GRIP1: variants seen among roughly 807,000 people sequenced by gnomAD.
The protein encoded by GRIP1 is glutamate receptor-interacting protein 1.
Under a neutral mutation model 129.9 loss-of-function variants are expected in GRIP1, and 45 were observed. The ratio of observed to expected loss-of-function variants is 0.35; its 90% confidence interval spans 0.27 to 0.44. The LOEUF is 0.44. Ranked by LOEUF, GRIP1 falls within the 20% of genes least tolerant of loss-of-function variation. The pLI is 1.00. For synonymous variants in GRIP1, 530 were observed against 520.8 expected (o/e 1.02, Z -0.24); for missense variants, 1,196 against 1,396.8 (o/e 0.86, Z 2.29).
At chr12:66,800,416 T>A (rs1379552843) in intron 1 of GRIP1, among the ~76,000 whole-genome samples, 1 of 150,000 alleles carries the variant, frequency 6.7e-6, no homozygotes, top group Non-Finnish European at 1.5e-5. Flanking sequence ...CTCACATACC[T>A]CTATTCATAA....
Position 66,517,903 on chromosome 12 carries a change from G to A in GRIP1, c.576C>T (p.Asp192=). 6.6e-7 allele frequency: 1 copy of A among 1,509,690 alleles called. No homozygotes were observed. Among genetic ancestry groups the A allele is most frequent in the Non-Finnish European group, 9.2e-7 (1 of 1,084,712 alleles). The allele number at this position is 1,509,690 out of a possible 1,614,324, so 93.5% of individuals were successfully genotyped here. ...ITCVRPGGPA[D]REGTIKPGDR... Reference sequence around the variant, plus strand: ...TGACACAGAAAGATAAAGTTTACCTGTCAGCAGGCCCTCCAGGACGAACAC... The same window carrying A: ...TGACACAGAAAGATAAAGTTTACCTATCAGCAGGCCCTCCAGGACGAACAC... Residue 192 remains aspartate (D), a splice_region_variant and synonymous_variant, in exon 6 of 25, where the codon GAC becomes GAT. Transcript: ENST00000359742.
chr12:66,651,261 C>T (rs562334629), intron 1 of GRIP1, among the ~76,000 whole-genome samples: 22 of 152,230 alleles, frequency 1.4e-4, no homozygotes, highest in African/African-American at 5.1e-4. Flanking sequence ...AATTTACATT[C>T]CATAGTTGAA....
chr12:66,685,650 A>C (rs184791164), intron 1 of GRIP1, among the ~76,000 whole-genome samples: 63 of 152,316 alleles, frequency 4.1e-4, no homozygotes, highest in Non-Finnish European at 6.9e-4. Flanking sequence ...CCCAACCATA[A>C]GGAGCAGTGA....
chr12:66,538,253 G>C (rs1450659279), intron 4 of GRIP1, among the ~76,000 whole-genome samples: 2 of 150,652 alleles, frequency 1.3e-5, no homozygotes. Context: ...AGGCTGGAGT[G>C]CAATGACACA....
intron 2 of GRIP1, among the ~76,000 whole-genome samples, chr12:66,562,443 A>AT (rs923311618): frequency 3.9e-5 from 6 of 152,122 alleles, no homozygotes. Context: ...GCAAGTTTCA[A>AT]TTTTTTTGAA....
At chr12:66,592,339 C>G (rs1470323239) in intron 2 of GRIP1, among the ~76,000 whole-genome samples, 1 of 152,140 alleles carries the variant, frequency 6.6e-6, no homozygotes, top group Non-Finnish European at 1.5e-5. Flanking sequence ...CTACCCACTT[C>G]CAAATACCTA....
chr12:66,786,740 G>A (rs2038358369), intron 1 of GRIP1, among the ~76,000 whole-genome samples: 1 of 152,138 alleles, frequency 6.6e-6, no homozygotes, highest in African/African-American at 2.4e-5. Context: ...GACTAGGAAG[G>A]GGAGAAGCCA....
chr12:66,522,864 G>A (rs1363612536), intron 5 of GRIP1, among the ~76,000 whole-genome samples: 1 of 152,146 alleles, frequency 6.6e-6, no homozygotes, highest in African/African-American at 2.4e-5. Context: ...GCCAAGGCTT[G>A]AGAACTATGT....
Position 66,811,633 on chromosome 12 carries a change from C to T in GRIP1, c.59-214706G>A. On this transcript the variant is annotated intron_variant, in intron 1 of 1. Coordinates refer to the GRIP1 transcript ENST00000643019. Reference sequence around the variant, plus strand: ...CTCTCTCTCTCTGACTCTCTCCTCTCTTCCTCCTTCCCTCCCTCCTTCCCT... The same window carrying T: ...CTCTCTCTCTCTGACTCTCTCCTCTTTTCCTCCTTCCCTCCCTCCTTCCCT... Among the ~76,000 whole-genome samples, 2 of 152,054 alleles carry T rather than the reference C, an allele frequency of 1.3e-5. 1 individual carries two copies. The highest frequency in any genetic ancestry group is 2.9e-5 in the Non-Finnish European group (2 of 68,016).
chr12:66,827,387 TGAGAGAGAGAGA>T lies in GRIP1; in HGVS notation c.59-230472_59-230461del, dbSNP rs112366252. Among the ~76,000 whole-genome samples, 3 of 108,294 alleles carry T rather than the reference TGAGAGAGAGAGA, an allele frequency of 2.8e-5. No individual in the cohort carries two copies. In the Admixed American group the frequency reaches 2.8e-4, roughly 10 times the overall value. 71.0% of individuals were successfully genotyped at this position (108,294 alleles called of 152,430 possible). On this transcript the variant is annotated intron_variant, in intron 1 of 1. Transcript: ENST00000643019. ...AGGTGTGTGTGTGTGTGTGTGTGTG[TGAGAGAGAGAGA>T]GAGAGAGAGAGAGAGAGCGCACAAG...
chr12:66,481,966 G>C (rs766543995), intron 7 of GRIP1, among the ~76,000 whole-genome samples: 1 of 151,724 alleles, frequency 6.6e-6, no homozygotes, highest in Non-Finnish European at 1.5e-5. Flanking sequence ...GAGGCTAGGG[G>C]AGGGATAGCA....
intron 1 of GRIP1, among the ~76,000 whole-genome samples, chr12:66,917,312 A>T (rs956515661): frequency 2.0e-5 from 3 of 152,230 alleles, no homozygotes; most frequent in African/African-American, 4.8e-5. Context: ...CTTGCCTAAT[A>T]CATTTATTTC....
intron 1 of GRIP1, among the ~76,000 whole-genome samples, chr12:66,661,470 A>G (rs1340084707): frequency 1.2e-5 from 1 of 80,112 alleles, no homozygotes; most frequent in Non-Finnish European, 2.5e-5. Context: ...AAAAAAAAAA[A>G]AAAGGTGGAG....
At chr12:66,524,039 GT>G (rs2061127001) in intron 5 of GRIP1, among the ~76,000 whole-genome samples, 1 of 152,126 alleles carries the variant, frequency 6.6e-6, no homozygotes, top group Non-Finnish European at 1.5e-5. Flanking sequence ...CAAGTCCTTA[GT>G]GACCTACAAA....
chr12:66,901,719 C>A (rs1243053780), intron 1 of GRIP1, among the ~76,000 whole-genome samples: 1 of 152,184 alleles, frequency 6.6e-6, no homozygotes, highest in Non-Finnish European at 1.5e-5. Context: ...GACACCTAAA[C>A]CACAGGTCCA....
intron 1 of GRIP1, among the ~76,000 whole-genome samples, chr12:67,005,715 C>T (rs1243073511): frequency 6.6e-6 from 1 of 152,186 alleles, no homozygotes; most frequent in Non-Finnish European, 1.5e-5. Flanking sequence ...GAAGAGATTC[C>T]TCACGACCTT....
intron 8 of GRIP1, among the ~76,000 whole-genome samples, chr12:66,464,838 A>G (rs75533936): frequency 3.5e-5 from 5 of 141,818 alleles, no homozygotes; most frequent in South Asian, 2.3e-4. Flanking sequence ...GTGTGTGTGT[A>G]TGTGTATATG....
intron 1 of GRIP1, among the ~76,000 whole-genome samples, chr12:66,653,617 C>A (rs75465791): frequency 6.6e-6 from 1 of 152,256 alleles, no homozygotes; most frequent in African/African-American, 2.4e-5. Context: ...AAACTGTTGA[C>A]GCACACTAGA....
chr12:66,491,190 A>G (rs769714875), intron 7 of GRIP1, among the ~76,000 whole-genome samples: 2 of 152,244 alleles, frequency 1.3e-5, no homozygotes, highest in Non-Finnish European at 2.9e-5. Flanking sequence ...ACTATTCACA[A>G]TAGCAGAGAT....
Sources: allele counts gnomAD v4.1 joint callset (sites outside exome capture counted in the v4.1 genomes callset), GRCh38; gene constraint gnomAD v4.1.1; transcripts MANE v1.5; gene names NCBI Gene and HGNC (gene_info 2026-07-23, HGNC 2026-07-21).